Variants in SLC35F4 observed in about 807,000 individuals in gnomAD.
SLC35F4 encodes chromosome 14 open reading frame 36.
In SLC35F4, 24 loss-of-function variants were observed where a neutral mutation model predicts 44.2. The ratio of observed to expected loss-of-function variants is 0.54; its 90% CI spans 0.39 to 0.76. The LOEUF (loss-of-function observed/expected upper bound fraction) is 0.76, where lower values mean the gene tolerates loss of function less well. Ranked by LOEUF, SLC35F4 falls within the 30% of genes least tolerant of loss-of-function variation. SLC35F4 has a pLI of 0.00. For missense variants in SLC35F4, 562 were observed against 586.1 expected, an observed-to-expected ratio of 0.96 and a Z score of 0.42; for synonymous variants, 238 against 223.6, an observed-to-expected ratio of 1.06 and a Z score of -0.57.
intron 1 of SLC35F4, among the ~76,000 whole-genome samples, chr14:57,751,799 G>C (rs748599007): frequency 6.6e-6 from 1 of 152,078 alleles, no homozygotes; most frequent in Non-Finnish European, 1.5e-5. Context: ...GCACTTATGA[G>C]GGCATTGACA....
At chr14:57,693,894 G>A (rs529517047) in intron 1 of SLC35F4, among the ~76,000 whole-genome samples, 34 of 152,160 alleles carry the variant, frequency 2.2e-4, no homozygotes, top group East Asian at 3.9e-4. Flanking sequence ...CGTATCAGAC[G>A]AATATATTTT....
rs1462716096 is a variant in SLC35F4, at chr14:57,661,660, A to G, written c.104-67536T>C. Among the ~76,000 whole-genome samples, 3 of 152,178 alleles carry G rather than the reference A, an allele frequency of 2.0e-5. No homozygotes were observed. The East Asian group carries it at 5.8e-4, about 29-fold the overall frequency. ...CTGTGAGTGAAGAAATATGAAGGCT[A>G]CAGATCCAGAGACGAATGTGCTCTT... On this transcript the variant is annotated intron_variant, in intron 1 of 7. Transcript: ENST00000556826.
intron 1 of SLC35F4, among the ~76,000 whole-genome samples, chr14:57,951,285 A>C (rs962969203): frequency 6.6e-6 from 1 of 152,180 alleles, no homozygotes; most frequent in African/African-American, 2.4e-5. Flanking sequence ...TGGTCTTCAC[A>C]ACCTGCAGAC....
chr14:57,788,498 A>G (rs2077826303), intron 1 of SLC35F4, among the ~76,000 whole-genome samples: 1 of 152,210 alleles, frequency 6.6e-6, no homozygotes, highest in Admixed American at 6.5e-5. Flanking sequence ...TTTCTCCAAG[A>G]TAGACCATAT....
chr14:57,764,035 C>A lies in SLC35F4; in HGVS notation c.103+101688G>T, dbSNP rs77817420. Among the ~76,000 whole-genome samples the A allele has an allele frequency of 6.6e-5, 10 of 152,196 alleles. No individual in the cohort carries two copies. In the East Asian group the frequency reaches 1.9e-3, roughly 29 times the overall value. On this transcript the variant is annotated intron_variant, in intron 1 of 7. Transcript: ENST00000556826. ...TGGGATGCTCTTTTTTAGAATCCAG[C>A]CTCCATTTCCTGAGACGCCCAAGAC... is the stretch of plus-strand genomic sequence containing the variant.
intron 1 of SLC35F4, among the ~76,000 whole-genome samples, chr14:57,819,680 G>C (rs541691590): frequency 6.6e-6 from 1 of 151,732 alleles, no homozygotes; most frequent in African/African-American, 2.4e-5. Context: ...AGGCATGGTG[G>C]TGTGCGTCTG....
chr14:57,682,694 A>C (rs890724269), intron 1 of SLC35F4, among the ~76,000 whole-genome samples: 11 of 151,868 alleles, frequency 7.2e-5, no homozygotes, highest in African/African-American at 2.7e-4. Context: ...AAGAAATTTT[A>C]AATTATAATA....
intron 1 of SLC35F4, among the ~76,000 whole-genome samples, chr14:57,653,163 T>C (rs1249092077): frequency 6.6e-6 from 1 of 152,156 alleles, no homozygotes; most frequent in Non-Finnish European, 1.5e-5. Context: ...AGGTCTTTAA[T>C]AGTTACTATT....
chr14:57,637,473 G>A (rs979461744), intron 1 of SLC35F4, among the ~76,000 whole-genome samples: 1 of 152,118 alleles, frequency 6.6e-6, no homozygotes, highest in Admixed American at 6.5e-5. Flanking sequence ...CTGTGGTGGC[G>A]AAGGGAAGTG....
At chr14:57,951,402 C>T (rs969372987) in intron 1 of SLC35F4, among the ~76,000 whole-genome samples, 5 of 151,990 alleles carry the variant, frequency 3.3e-5, no homozygotes, top group African/African-American at 9.7e-5. Context: ...TTTTTCATAC[C>T]CCAGTGGTGC....
At chr14:57,859,362 G>C (rs1454870180) in intron 1 of SLC35F4, among the ~76,000 whole-genome samples, 1 of 152,038 alleles carries the variant, frequency 6.6e-6, no homozygotes, top group Non-Finnish European at 1.5e-5. Context: ...AAGACTGAAA[G>C]GATATATACC....
intron 1 of SLC35F4, among the ~76,000 whole-genome samples, chr14:57,839,081 C>A (rs1885231874): frequency 6.6e-6 from 1 of 151,960 alleles, no homozygotes; most frequent in South Asian, 2.1e-4. Flanking sequence ...TCTAGGGATA[C>A]CTACATGCAA....
intron 1 of SLC35F4, among the ~76,000 whole-genome samples, chr14:57,727,710 T>C (rs1156520334): frequency 6.6e-6 from 1 of 152,192 alleles, no homozygotes; most frequent in African/African-American, 2.4e-5. Flanking sequence ...TATCTTGTTA[T>C]TGATTTTTAT....
intron 1 of SLC35F4, among the ~76,000 whole-genome samples, chr14:57,684,249 G>A (rs544699590): frequency 1.6e-4 from 24 of 152,104 alleles, no homozygotes; most frequent in African/African-American, 4.1e-4. Context: ...GCTGTTCCTC[G>A]GGCCTCTCTA....
chr14:57,823,549 C>A (rs940498114), intron 1 of SLC35F4, among the ~76,000 whole-genome samples: 1 of 152,162 alleles, frequency 6.6e-6, no homozygotes. Flanking sequence ...ATAGCTATAT[C>A]CCTGGTGCCT....
intron 1 of SLC35F4, among the ~76,000 whole-genome samples, chr14:57,711,530 TGGC>T (rs1193474601): frequency 1.3e-5 from 2 of 152,322 alleles, no homozygotes; most frequent in East Asian, 3.9e-4. Flanking sequence ...AAATTTAATT[TGGC>T]CCAACCTAAT....
At chr14:57,939,099 A>G (rs952706383) in intron 1 of SLC35F4, among the ~76,000 whole-genome samples, 1 of 151,926 alleles carries the variant, frequency 6.6e-6, no homozygotes, top group South Asian at 2.1e-4. Context: ...TTTCCCCCCG[A>G]GAGGGAGAGG....
At chr14:57,771,591 T>A (rs551231189) in intron 1 of SLC35F4, among the ~76,000 whole-genome samples, 13 of 152,334 alleles carry the variant, frequency 8.5e-5, no homozygotes, top group East Asian at 3.9e-4. Flanking sequence ...TTAATTAATT[T>A]ATTTACTTAT....
At chr14:57,573,685 C>T (rs907793935) in intron 4 of SLC35F4, among the ~76,000 whole-genome samples, 5 of 151,946 alleles carry the variant, frequency 3.3e-5, no homozygotes, top group African/African-American at 1.2e-4. Context: ...TGCAACAGTT[C>T]TTTGGGGGAT....
Sources: allele counts gnomAD v4.1 joint callset (sites outside exome capture counted in the v4.1 genomes callset), GRCh38; gene constraint gnomAD v4.1.1; transcripts MANE v1.5; gene names NCBI Gene and HGNC (gene_info 2026-07-23, HGNC 2026-07-21).